The following CFAP20DC variants were observed in gnomAD, a reference collection of about 807,000 sequenced individuals.
CFAP20DC encodes CFAP20 domain containing, also known as protein CFAP20DC.
In CFAP20DC, 84 loss-of-function variants were observed where a neutral mutation model predicts 101.7. The observed-to-expected ratio is 0.83, with a 90% CI of 0.69 to 0.99. The LOEUF (loss-of-function observed/expected upper bound fraction) is 0.99, where lower values mean the gene tolerates loss of function less well. Ranked by LOEUF, CFAP20DC falls within the 50% of genes least tolerant of loss-of-function variation. The pLI is 0.00. For missense variants in CFAP20DC, 1,007 were observed against 970.3 expected (o/e 1.04, Z -0.50); for synonymous variants, 359 against 351.2 (o/e 1.02, Z -0.25).
At chr3:58,871,767 A>G (rs1485408137) in intron 7 of CFAP20DC, among the ~76,000 whole-genome samples, 1 of 152,044 alleles carries the variant, frequency 6.6e-6, no homozygotes, top group Non-Finnish European at 1.5e-5. Context: ...ACCTCAAGTG[A>G]TCCACCTGAC....
intron 15 of CFAP20DC, among the ~76,000 whole-genome samples, chr3:58,781,528 A>C (rs2071825444): frequency 6.6e-6 from 1 of 151,950 alleles, no homozygotes; most frequent in Admixed American, 6.6e-5. Flanking sequence ...TTTGAAAGAT[A>C]AAATTGATAA....
At chr3:58,870,894 C>CAAAAAAA (rs548763648) in intron 7 of CFAP20DC, among the ~76,000 whole-genome samples, 1,030 of 18,404 alleles carry the variant, frequency 0.056, 3 homozygotes, top group Middle Eastern at 0.14. Flanking sequence ...GACTCCGTCT[C>CAAAAAAA]AAAAAAAAAA....
At chr3:58,937,583 C>T in intron 5 of CFAP20DC, 65 bp downstream of exon 5, 1 of 981,100 alleles carries the variant, frequency 1.0e-6, no homozygotes, top group Non-Finnish European at 1.6e-6. Context: ...CATATGGAGT[C>T]AGCCCATAAG....
At chr3:58,782,230 T>A (rs1559582440) in intron 15 of CFAP20DC, among the ~76,000 whole-genome samples, 1 of 151,984 alleles carries the variant, frequency 6.6e-6, no homozygotes, top group Non-Finnish European at 1.5e-5. Flanking sequence ...TTGACAAAAT[T>A]CAACATCCCT....
At chr3:58,811,842 C>T (rs1226918519) in intron 14 of CFAP20DC, among the ~76,000 whole-genome samples, 2 of 151,798 alleles carry the variant, frequency 1.3e-5, no homozygotes, top group Non-Finnish European at 2.9e-5. Flanking sequence ...CTACAATGAG[C>T]CCAAACAAAT....
At chr3:58,840,901 A>G (rs2077056019) in intron 13 of CFAP20DC, among the ~76,000 whole-genome samples, 1 of 152,258 alleles carries the variant, frequency 6.6e-6, no homozygotes, top group Non-Finnish European at 1.5e-5. Flanking sequence ...GGTTGCATAG[A>G]TAAGAAAGAA....
Position 58,869,197 on chromosome 3 carries a change from C to G in CFAP20DC, c.1015+131G>C. On this transcript the variant is annotated intron_variant, in intron 9 of 16. Transcript: ENST00000482387. This position sits in a 1 kb window ranked among gnomAD's most constrained non-coding sequence, Gnocchi z 4.3. ...TCAAATATATTTCAAAATCAACCAC[C>G]CTTTTCATTATTAAATGACAATTCT... The G allele has an allele frequency of 1.6e-6, 1 of 628,318 alleles. No individual in the cohort carries two copies. The highest frequency in any genetic ancestry group is 3.0e-5 in the South Asian group (1 of 33,484). The allele number at this position is 628,318 out of a possible 1,614,324, so 38.9% of individuals were successfully genotyped here.
At chr3:59,011,442 A>G (rs1218197090) in intron 4 of CFAP20DC, among the ~76,000 whole-genome samples, 1 of 151,954 alleles carries the variant, frequency 6.6e-6, no homozygotes, top group Non-Finnish European at 1.5e-5. Flanking sequence ...AACAACAGAC[A>G]ATATATGTCA....
intron 7 of CFAP20DC, among the ~76,000 whole-genome samples, chr3:58,877,076 C>G (rs2080811906): frequency 6.6e-6 from 1 of 151,960 alleles, no homozygotes; most frequent in Non-Finnish European, 1.5e-5. Flanking sequence ...AACACTGTGC[C>G]CAGTAGGGAG....
rs376251269 is a variant in CFAP20DC, at chr3:58,827,320, AGAGAT to A, written c.2175+4361_2175+4365del. 2.1e-3 allele frequency among the ~76,000 whole-genome samples: 314 copies of A among 151,542 alleles called. 3 individuals are homozygous for A. Among genetic ancestry groups the A allele is most frequent in the African/African-American group, 7.3e-3 (301 of 41,282 alleles). On this transcript the variant is annotated intron_variant, in intron 14 of 16. Coordinates refer to ENST00000482387, the MANE Select transcript of CFAP20DC (RefSeq NM_001394063.1). ...TAGAGAAGGAGCTGCCAGACAGAGA[AGAGAT>A]GAGCATGGCCTGATCTGAACACAGG...
intron 14 of CFAP20DC, among the ~76,000 whole-genome samples, chr3:58,811,994 A>G (rs1328417174): frequency 7.9e-5 from 12 of 152,150 alleles, no homozygotes; most frequent in Non-Finnish European, 1.3e-4. Context: ...GCAAATCAAA[A>G]CCACAATGAG....
At chr3:58,951,901 G>T (rs548796075) in intron 4 of CFAP20DC, among the ~76,000 whole-genome samples, 3 of 152,138 alleles carry the variant, frequency 2.0e-5, no homozygotes, top group Non-Finnish European at 2.9e-5. Flanking sequence ...AAAACTTAAA[G>T]TATAATAATA....
chr3:58,794,117 AC>A (rs1227888103), intron 15 of CFAP20DC: 1 of 265,910 alleles, frequency 3.8e-6, no homozygotes, highest in African/African-American at 2.2e-5. Context: ...CAGTGTCCAC[AC>A]AGTAATTCAA....
rs1166109066 is a variant in CFAP20DC at position 58,869,295 on chromosome 3, A to G, written c.1015+33T>C. 2 of 1,544,264 alleles carry G rather than the reference A, an allele frequency of 1.3e-6. No individual in the cohort carries two copies. Among genetic ancestry groups the G allele is most frequent in the East Asian group, 4.6e-5 (2 of 43,782 alleles). On this transcript the variant is annotated intron_variant, in intron 9 of 16. Transcript: ENST00000482387. The surrounding 1 kb of genome is among the most constrained non-coding windows in gnomAD (Gnocchi z 4.3). ...AAGAACATTTCTCACTATTTTCACTAGCTATCAATCTTTATGCATGATTAT... is the reference window on the plus strand; with the variant it reads ...AAGAACATTTCTCACTATTTTCACTGGCTATCAATCTTTATGCATGATTAT...
chr3:58,894,277 A>G lies in CFAP20DC; in HGVS notation c.551-9568T>C, dbSNP rs1273023626. Among the ~76,000 whole-genome samples the G allele has an allele frequency of 1.3e-5, 2 of 152,236 alleles. No homozygotes were observed. The highest frequency in any genetic ancestry group is 2.9e-5 in the Non-Finnish European group (2 of 68,048). ...CATTAACTCAAAAAGACTACAGTCC[A>G]AAGTCTCTTCTGAGACAAGGCAAGT... On this transcript the variant is annotated intron_variant, in intron 6 of 16. Coordinates refer to ENST00000482387, the MANE Select transcript of CFAP20DC (RefSeq NM_001394063.1). The surrounding 1 kb of genome is among the most constrained non-coding windows in gnomAD (Gnocchi z 4.1).
chr3:58,719,189 G>A (rs968318367), intron 3 of CFAP20DC, among the ~76,000 whole-genome samples: 1 of 152,208 alleles, frequency 6.6e-6, no homozygotes, highest in Non-Finnish European at 1.5e-5. Context: ...ACTGCAATGA[G>A]CCATGATTGT....
intron 4 of CFAP20DC, among the ~76,000 whole-genome samples, chr3:58,995,427 A>G (rs988174677): frequency 1.3e-5 from 2 of 152,148 alleles, no homozygotes; most frequent in Non-Finnish European, 2.9e-5. Context: ...TTATTCAAAT[A>G]ATAAATTAAA....
chr3:58,768,420 C>T (rs956071203), intron 15 of CFAP20DC, among the ~76,000 whole-genome samples: 1 of 152,144 alleles, frequency 6.6e-6, no homozygotes. Flanking sequence ...GATGGAAGTG[C>T]TTGGTTTAAC....
intron 5 of CFAP20DC, among the ~76,000 whole-genome samples, chr3:58,915,307 G>A (rs2084568200): frequency 6.6e-6 from 1 of 152,156 alleles, no homozygotes; most frequent in East Asian, 1.9e-4. Context: ...ATACGCCACA[G>A]AGTGGAACAC....
Sources: allele counts gnomAD v4.1 joint callset (sites outside exome capture counted in the v4.1 genomes callset), GRCh38; gene constraint gnomAD v4.1.1; non-coding constraint Gnocchi (gnomAD v3.1); transcripts MANE v1.5; gene names NCBI Gene and HGNC (gene_info 2026-07-23, HGNC 2026-07-21).